Variants in PLCH1 observed in about 807,000 individuals in gnomAD.
The protein encoded by PLCH1 is phospholipase C eta 1, also known as 1-phosphatidylinositol 4,5-bisphosphate phosphodiesterase eta-1.
Under a neutral mutation model 126.7 loss-of-function variants are expected in PLCH1, and 60 were observed. That is an observed-to-expected ratio of 0.47 (90% CI 0.38 to 0.59). The LOEUF (loss-of-function observed/expected upper bound fraction) is 0.59. Among genes scored for constraint, PLCH1 ranks in the 20% least tolerant of loss-of-function variants. The pLI, the probability that PLCH1 is intolerant of heterozygous loss-of-function variation, is 0.00. For synonymous variants in PLCH1, 719 were observed against 734.9 expected (o/e 0.98, Z 0.35); for missense variants, 1,723 against 2,040.0 (o/e 0.84, Z 2.99).
chr3:155,582,075 C>CTTT (rs869254665), intron 6 of PLCH1, among the ~76,000 whole-genome samples: 683 of 63,692 alleles, frequency 0.011, no homozygotes, highest in Non-Finnish European at 0.013. Context: ...TCTTTTCTTT[C>CTTT]TTTTTTTTTT....
At chr3:155,598,056 C>A (rs1056198542) in intron 2 of PLCH1, among the ~76,000 whole-genome samples, 1 of 151,934 alleles carries the variant, frequency 6.6e-6, no homozygotes, top group Non-Finnish European at 1.5e-5. Context: ...TGGTGGCAGG[C>A]ACCTGTAATC....
chr3:155,741,307 G>A (rs778733945), intron 1 of PLCH1, among the ~76,000 whole-genome samples: 6 of 152,172 alleles, frequency 3.9e-5, no homozygotes, highest in Admixed American at 6.5e-5. Flanking sequence ...TTCCCAGGCC[G>A]AGGAGGCATT....
At chr3:155,705,355 C>A (rs946727197) in intron 1 of PLCH1, among the ~76,000 whole-genome samples, 52 of 152,134 alleles carry the variant, frequency 3.4e-4, no homozygotes, top group African/African-American at 1.2e-3. Context: ...CTAATTCCTG[C>A]CTATCCTGCC....
At chr3:155,609,445 A>C (rs1239218204) in intron 2 of PLCH1, among the ~76,000 whole-genome samples, 1 of 152,226 alleles carries the variant, frequency 6.6e-6, no homozygotes, top group Non-Finnish European at 1.5e-5. Flanking sequence ...CAAAGGAGAA[A>C]GAACCAAAAA....
At chr3:155,563,205 T>A (rs965745525) in intron 8 of PLCH1, among the ~76,000 whole-genome samples, 7 of 152,120 alleles carry the variant, frequency 4.6e-5, no homozygotes, top group African/African-American at 1.7e-4. Context: ...CTGTAAGTGA[T>A]CTTGTACACT....
intron 4 of PLCH1, among the ~76,000 whole-genome samples, chr3:155,593,273 A>G (rs912741561): frequency 2.0e-5 from 3 of 152,222 alleles, no homozygotes; most frequent in African/African-American, 7.2e-5. Flanking sequence ...AATCCCAGCA[A>G]GAAGGATGCC....
rs73874853 is a variant in PLCH1, at chr3:155,583,272, A to C, written c.771+200T>G. On this transcript the variant is annotated intron_variant, in intron 6 of 22. Transcript: ENST00000460012. ...TACATTTAAGATTAAGAATTATATA[A>C]CCCAGTGTTCAAGTTATCACTTCCT... Among the ~76,000 whole-genome samples, 1,026 of 152,170 alleles carry C rather than the reference A, an allele frequency of 6.7e-3. 12 individuals are homozygous for C. The highest frequency in any genetic ancestry group is 0.023 in the African/African-American group (973 of 41,546).
chr3:155,568,784 T>TGTGTC (rs1728847719), intron 6 of PLCH1, among the ~76,000 whole-genome samples: 2 of 70,012 alleles, frequency 2.9e-5, no homozygotes, highest in Non-Finnish European at 6.7e-5. Context: ...GTGTGTGTGT[T>TGTGTC]TGTATCCATA....
rs1732956033 is a variant in PLCH1 at position 155,596,173 on chromosome 3, C to G, written c.226+59G>C. 4 of 1,275,854 alleles carry G rather than the reference C, an allele frequency of 3.1e-6. No homozygotes were observed. The Admixed American group carries it at 5.7e-5, about 18-fold the overall frequency. 79.0% of individuals were successfully genotyped at this position (1,275,854 alleles called of 1,614,324 possible). A position where few individuals can be genotyped will look rare whatever the true frequency, so the allele number is the denominator to read the frequency against. On this transcript the variant is annotated intron_variant, in intron 3 of 22. Transcript: ENST00000460012. ...AGATCTGAAGCTTCAAGAGCCCACT[C>G]AGTATAACCCGTGTGTTACTATGTC...
intron 1 of PLCH1, among the ~76,000 whole-genome samples, chr3:155,707,606 A>G (rs1746774694): frequency 6.6e-6 from 1 of 151,736 alleles, no homozygotes; most frequent in African/African-American, 2.4e-5. Flanking sequence ...GGAGAATCAC[A>G]TGGCCAAGAC....
chr3:155,717,732 A>G (rs748376260), intron 1 of PLCH1, among the ~76,000 whole-genome samples: 4 of 152,328 alleles, frequency 2.6e-5, no homozygotes, highest in Middle Eastern at 3.4e-3. Flanking sequence ...ACTAGGTCTC[A>G]GGGCCTGTGA....
chr3:155,573,113 A>G (rs994984654), intron 6 of PLCH1, among the ~76,000 whole-genome samples: 2 of 152,192 alleles, frequency 1.3e-5, no homozygotes, highest in African/African-American at 4.8e-5. Context: ...CATTAACAAT[A>G]ATTTTTAAAG....
chr3:155,482,366 G>A lies in PLCH1; in HGVS notation c.3660C>T (p.Pro1220=). The A allele has an allele frequency of 6.2e-7, 1 of 1,614,118 alleles. No individual in the cohort carries two copies. The highest frequency in any genetic ancestry group is 8.5e-7 in the Non-Finnish European group (1 of 1,179,994). The stretch of plus-strand genomic sequence containing the variant: ...GCATTTTTAGGCCCAGGCTAGGCAA[G>A]GGACAATGGCCTGACATCACACTGG... ...HNTSVMSGHC[P]LPSLGLKMPI... is the part of the protein sequence containing the mutation. Residue 1220 remains proline, a synonymous_variant, in exon 23 of 23, where the codon CCC becomes CCT. Transcript: ENST00000460012.
chr3:155,721,781 C>T (rs1747962460), intron 1 of PLCH1, among the ~76,000 whole-genome samples: 1 of 152,118 alleles, frequency 6.6e-6, no homozygotes, highest in South Asian at 2.1e-4. Flanking sequence ...GGCACAGTAG[C>T]TGATGCTTGT....
intron 21 of PLCH1, among the ~76,000 whole-genome samples, chr3:155,468,912 C>A (rs1327240103): frequency 6.6e-6 from 1 of 152,114 alleles, no homozygotes; most frequent in Non-Finnish European, 1.5e-5. Flanking sequence ...GCACTACAGA[C>A]AAAATAGATC....
At chr3:155,469,946 C>G (rs966687749) in intron 21 of PLCH1, among the ~76,000 whole-genome samples, 1 of 152,138 alleles carries the variant, frequency 6.6e-6, no homozygotes, top group Non-Finnish European at 1.5e-5. Flanking sequence ...CATCAAAGAC[C>G]AAAAGTAGAT....
chr3:155,542,734 A>C (rs1337269483), intron 10 of PLCH1, among the ~76,000 whole-genome samples: 1 of 152,188 alleles, frequency 6.6e-6, no homozygotes, highest in Non-Finnish European at 1.5e-5. Context: ...GTTCACGAAA[A>C]TCTGCTGTTC....
At chr3:155,517,839 T>A (rs1414538053) in intron 11 of PLCH1, among the ~76,000 whole-genome samples, 1 of 152,100 alleles carries the variant, frequency 6.6e-6, no homozygotes, top group Non-Finnish European at 1.5e-5. Context: ...AGCATTTCAA[T>A]GTGAGGAAAA....
intron 10 of PLCH1, among the ~76,000 whole-genome samples, chr3:155,525,199 C>T (rs1721736443): frequency 6.6e-6 from 1 of 152,166 alleles, no homozygotes; most frequent in Non-Finnish European, 1.5e-5. Context: ...TCACAACAAA[C>T]TACCATTCCA....
Sources: gnomAD v4.1 joint callset for allele counts (sites outside exome capture counted in the v4.1 genomes callset) on GRCh38, gnomAD v4.1.1 for gene constraint, MANE v1.5 for transcripts, NCBI Gene and HGNC (gene_info 2026-07-23, HGNC 2026-07-21) for gene names.